Variants in DIXDC1 observed in about 807,000 individuals in gnomAD.
The protein encoded by DIXDC1 is dixin.
DIXDC1 carries 64 observed loss-of-function variants against 103.1 expected under a neutral mutation model. The observed-to-expected ratio is 0.62, with a 90% CI of 0.51 to 0.76. The LOEUF (loss-of-function observed/expected upper bound fraction) is 0.76. Ranked by LOEUF, DIXDC1 falls within the 30% of genes least tolerant of loss-of-function variation. DIXDC1 has a pLI of 0.00. For synonymous variants in DIXDC1, 266 were observed against 298.5 expected (o/e 0.89, Z 1.12); for missense variants, 759 against 834.2 (o/e 0.91, Z 1.11).
chr11:111,978,330 G>A (rs1479575693), intron 5 of DIXDC1, among the ~76,000 whole-genome samples: 2 of 152,096 alleles, frequency 1.3e-5, no homozygotes, highest in African/African-American at 4.8e-5. Flanking sequence ...TCTGACCTGG[G>A]GCAGAGGATA....
At position 111,977,555 on chromosome 11, in the gene DIXDC1, G is replaced by C. The variant is rs868911575; in HGVS notation, c.656+2572G>C. On this transcript the variant is annotated intron_variant, in intron 5 of 19. Transcript: ENST00000440460. This position sits in a 1 kb window ranked among gnomAD's most constrained non-coding sequence, Gnocchi z 6.1. ...CCGGGACTGCGCGCTTCAGAGCCTG[G>C]AGCATCCCAGTCGCTGGGGCCGAGA... 6.8e-7 allele frequency: 1 copy of C among 1,479,250 alleles called. No individual in the cohort carries two copies. Among genetic ancestry groups the C allele is most frequent in the Non-Finnish European group, 9.0e-7 (1 of 1,115,126 alleles). 91.6% of individuals were successfully genotyped at this position (1,479,250 alleles called of 1,614,324 possible).
intron 1 of DIXDC1, among the ~76,000 whole-genome samples, chr11:111,946,134 A>AGTCTT (rs1294503124): frequency 7.5e-6 from 1 of 132,810 alleles, no homozygotes; most frequent in African/African-American, 2.9e-5. Context: ...TTTGAGATGG[A>AGTCTT]GTCTTGCTCT....
rs587712902 is a variant in DIXDC1, at chr11:112,018,159, C to A, written c.1971+274C>A. Among the ~76,000 whole-genome samples, 6 of 152,114 alleles carry A rather than the reference C, an allele frequency of 3.9e-5. No homozygotes were observed. In the South Asian group the frequency reaches 1.2e-3, roughly 32 times the overall value. On this transcript the variant is annotated intron_variant, in intron 19 of 19. Transcript: ENST00000440460. ...TTATTTTGTTAGGGAAAATAAAGAA[C>A]CTAAGACAATAAATAATTTTCCATC...
chr11:111,941,687 G>A (rs1330610767), intron 1 of DIXDC1, among the ~76,000 whole-genome samples: 2 of 151,792 alleles, frequency 1.3e-5, no homozygotes, highest in South Asian at 2.1e-4. Context: ...ATGGTGGCAT[G>A]CATACCTGGG....
chr11:111,941,874 C>CACA (rs1555168899), intron 1 of DIXDC1, among the ~76,000 whole-genome samples: 6 of 112,882 alleles, frequency 5.3e-5, no homozygotes, highest in South Asian at 2.9e-4. Context: ...ACACACACAC[C>CACA]CACGAAGAGT....
intron 2 of DIXDC1, 104 bp downstream of exon 2, chr11:111,964,782 AT>A: frequency 2.2e-6 from 3 of 1,366,310 alleles, no homozygotes; most frequent in Non-Finnish European, 2.9e-6. Context: ...TTTAGAATAT[AT>A]GGCAGTAGAG....
At chr11:111,997,036 T>A (rs782120444) in intron 17 of DIXDC1, among the ~76,000 whole-genome samples, 1 of 152,212 alleles carries the variant, frequency 6.6e-6, no homozygotes, top group Non-Finnish European at 1.5e-5. Flanking sequence ...TAGTTTGTAT[T>A]TTGCCTTTTG....
intron 17 of DIXDC1, among the ~76,000 whole-genome samples, chr11:112,004,423 C>T (rs1861171518): frequency 1.3e-5 from 2 of 152,104 alleles, no homozygotes; most frequent in African/African-American, 4.8e-5. Context: ...AGACCCATTA[C>T]AGCTAGTGGG....
At chr11:111,929,843 G>A (rs782320847) in exon 2 of DIXDC1, 2 of 1,535,172 alleles carry the variant, frequency 1.3e-6, no homozygotes, top group Middle Eastern at 1.7e-4. Context: ...CTCTTCTAGG[G>A]ACTCTTGAAG....
At chr11:111,978,241 TG>T (rs781854684) in intron 5 of DIXDC1, among the ~76,000 whole-genome samples, 30 of 152,298 alleles carry the variant, frequency 2.0e-4, no homozygotes, top group Non-Finnish European at 3.4e-4. Flanking sequence ...AGTAGGGGAT[TG>T]TTTATAAAAT....
At position 111,992,457 on chromosome 11, in the gene DIXDC1, C is replaced by G; in HGVS notation, c.1156C>G (p.Leu386Val). The G allele has an allele frequency of 6.3e-7, 1 of 1,583,852 alleles. No homozygotes were observed. Among genetic ancestry groups the G allele is most frequent in the Non-Finnish European group, 8.6e-7 (1 of 1,164,484 alleles). ...ATTGACTCAGCAGGACACATCTGTT[C>G]TTCAGCTCAAACAAGAGCTACTGAG... ...QRLTQQDTSVLQLKQELLRAN... is the reference protein window; with the variant it reads ...QRLTQQDTSVVQLKQELLRAN... The change falls in exon 11 of 20, where the codon CTT becomes GTT. Residue 386 changes from leucine to valine, a missense_variant. By Grantham distance (32) the Leu-to-Val change is conservative. Coordinates refer to ENST00000440460, the MANE Select transcript of DIXDC1 (RefSeq NM_001037954.4).
intron 17 of DIXDC1, among the ~76,000 whole-genome samples, chr11:112,005,723 C>G (rs1298762240): frequency 1.3e-5 from 2 of 152,058 alleles, no homozygotes; most frequent in Non-Finnish European, 1.5e-5. Flanking sequence ...CCGTCCCCCC[C>G]TCAAAAAATA....
intron 1 of DIXDC1, among the ~76,000 whole-genome samples, chr11:111,953,134 A>C (rs1566478491): frequency 6.6e-6 from 1 of 152,210 alleles, no homozygotes; most frequent in Non-Finnish European, 1.5e-5. Flanking sequence ...GGTTTTTCAC[A>C]AAAGAAAGAA....
chr11:112,001,567 A>G (rs895041705), intron 17 of DIXDC1, among the ~76,000 whole-genome samples: 15 of 152,148 alleles, frequency 9.9e-5, no homozygotes, highest in Non-Finnish European at 2.2e-4. Context: ...AACAAGAAAA[A>G]GTTGGATAAT....
chr11:111,963,228 C>G (rs1258178307), intron 1 of DIXDC1, among the ~76,000 whole-genome samples: 1 of 152,180 alleles, frequency 6.6e-6, no homozygotes, highest in Non-Finnish European at 1.5e-5. Context: ...ATGTCAGGCC[C>G]TGGCCCAGGT....
At chr11:111,956,906 C>G (rs141340747) in intron 1 of DIXDC1, among the ~76,000 whole-genome samples, 1 of 151,848 alleles carries the variant, frequency 6.6e-6, no homozygotes, top group Non-Finnish European at 1.5e-5. Flanking sequence ...GGAGTTCATG[C>G]GTGTAATCCC....
At chr11:111,949,872 G>C (rs111332504) in intron 1 of DIXDC1, among the ~76,000 whole-genome samples, 4 of 151,810 alleles carry the variant, frequency 2.6e-5, no homozygotes, top group African/African-American at 9.7e-5. Context: ...ACCTTTTCCT[G>C]ATTCCTCCAG....
chr11:111,954,733 T>G (rs2137481627), intron 1 of DIXDC1, among the ~76,000 whole-genome samples: 1 of 152,270 alleles, frequency 6.6e-6, no homozygotes, highest in East Asian at 1.9e-4. Context: ...TGATTTTATG[T>G]GTATTCAGGG....
At chr11:111,999,040 T>G (rs1860987362) in intron 17 of DIXDC1, among the ~76,000 whole-genome samples, 1 of 152,226 alleles carries the variant, frequency 6.6e-6, no homozygotes, top group Non-Finnish European at 1.5e-5. Flanking sequence ...GAATCTTAGT[T>G]TCCTTTTTTA....
Sources: gnomAD v4.1 joint callset for allele counts (sites outside exome capture counted in the v4.1 genomes callset) on GRCh38, gnomAD v4.1.1 for gene constraint, Gnocchi (gnomAD v3.1) non-coding constraint, MANE v1.5 for transcripts, NCBI Gene and HGNC (gene_info 2026-07-23, HGNC 2026-07-21) for gene names.